Variants in PCARE observed in about 807,000 individuals in gnomAD.
The protein encoded by PCARE is uncharacterized protein C2orf71.
A neutral mutation model predicts 82.2 loss-of-function variants in PCARE; 72 were observed. That is an observed-to-expected ratio of 0.88 (90% confidence interval 0.72 to 1.07). The LOEUF is 1.07. PCARE is among the 50% of genes least tolerant of loss of function. The pLI is 0.00. For synonymous variants in PCARE, 705 were observed against 634.8 expected (o/e 1.11, Z -1.66); for missense variants, 1,768 against 1,592.4 (o/e 1.11, Z -1.88).
Position 29,070,583 on chromosome 2 carries a change from A to T in PCARE, c.3668+11T>A. 1 of 1,613,800 alleles carries T rather than the reference A, an allele frequency of 6.2e-7. No individual in the cohort carries two copies. ...GCCGCTGAAGGGCAGTGACCCCAGG[A>T]CACTCCTTACCTGTTCTGGCCGAGC... On this transcript the variant is annotated intron_variant, in intron 1 of 1. Transcript: ENST00000331664.
At chr2:29,065,100 A>ACT in intron 1 of PCARE, 33 bp from the exon 2 acceptor site, 3 of 1,543,538 alleles carry the variant, frequency 1.9e-6, no homozygotes, top group Non-Finnish European at 2.6e-6. Context: ...CAGGTCAGAC[A>ACT]CTCCTCCTCT....
rs760160585 is a variant in PCARE at position 29,071,842 on chromosome 2, G to C, written c.2420C>G (p.Pro807Arg). Reference sequence around the variant, plus strand: ...CTTGGCTGCTTCTGCTTTAGGCAGAGGGGGAAAGATAGGTGCTAAGGGCTT... The same window carrying C: ...CTTGGCTGCTTCTGCTTTAGGCAGACGGGGAAAGATAGGTGCTAAGGGCTT... ...GWKPLAPIFP[P>R]LPKAEAAKSE... Residue 807 changes from proline to arginine, a missense_variant, in exon 1 of 2, where the codon CCT becomes CGT. Pro to Arg is a moderately radical substitution (Grantham distance 103). Coordinates refer to ENST00000331664, the MANE Select transcript of PCARE (RefSeq NM_001029883.3). 1.7e-5 allele frequency: 28 copies of C among 1,614,118 alleles called. No individual in the cohort carries two copies. The Admixed American group carries it at 4.7e-4, about 27-fold the overall frequency.
At position 29,062,657 on chromosome 2, in the gene PCARE, A is replaced by T. The variant is rs1055274199; in HGVS notation, c.*2212T>A. The T allele has an allele frequency of 6.6e-6, 1 of 152,268 alleles. No homozygotes were observed. Among genetic ancestry groups the T allele is most frequent in the Non-Finnish European group, 1.5e-5 (1 of 68,116 alleles). 9.4% of individuals were successfully genotyped at this position (152,268 alleles called of 1,614,324 possible). A position where few individuals can be genotyped will look rare whatever the true frequency, so the allele number is the denominator to read the frequency against. On this transcript the variant is annotated 3_prime_UTR_variant, in exon 2 of 2. Transcript: ENST00000331664. ...AGCTTGCATGGCCACAGCAGGGGGC[A>T]CTCGGCCACCCTTTCCACTTTCTAC...
rs1667368760 is a variant in PCARE, at chr2:29,064,909, G to C, written c.3827C>G (p.Ser1276Cys). Residue 1276 changes from serine (S) to cysteine (C), a missense_variant, in exon 2 of 2, where the codon TCC (serine) becomes TGC (cysteine). By Grantham distance (112) the Ser-to-Cys change is moderately radical (BLOSUM62 -1). Transcript: ENST00000331664. ...TTGCTGGGGCTGCGCCTCTGGCTGG[G>C]ATTTGTCCTGGATGTGGCCGGTCCG... ...EPRTGHIQDKSQPEAQPQQEE... is the reference protein window; with the variant it reads ...EPRTGHIQDKCQPEAQPQQEE... 1 of 1,611,928 alleles carries C rather than the reference G, an allele frequency of 6.2e-7. No individual in the cohort carries two copies. Among genetic ancestry groups the C allele is most frequent in the Non-Finnish European group, 8.5e-7 (1 of 1,179,930 alleles).
At chr2:29,068,202 A>G (rs1435697982) in intron 1 of PCARE, among the ~76,000 whole-genome samples, 1 of 152,250 alleles carries the variant, frequency 6.6e-6, no homozygotes, top group Non-Finnish European at 1.5e-5. Context: ...TTTTAGATTT[A>G]AGAAAAGAGC....
chr2:29,063,644 T>G lies in PCARE; in HGVS notation c.*1225A>C, dbSNP rs190116812. 6.5e-6 allele frequency: 1 copy of G among 152,792 alleles called. No individual in the cohort carries two copies. The highest frequency in any genetic ancestry group is 1.9e-4 in the East Asian group (1 of 5,184). 9.5% of individuals were successfully genotyped at this position (152,792 alleles called of 1,614,324 possible). On this transcript the variant is annotated 3_prime_UTR_variant, in exon 2 of 2. Coordinates refer to ENST00000331664, the MANE Select transcript of PCARE (RefSeq NM_001029883.3). ...CTGTACCCCAGTGGGTAAGAATTCT[T>G]GTCTTTTGCCAACCCATTGAGCCGG...
At position 29,073,130 on chromosome 2, in the gene PCARE, C is replaced by T. The variant is rs201900716; in HGVS notation, c.1132G>A (p.Glu378Lys). The change falls in exon 1 of 2, where the codon GAA becomes AAA. Residue 378 changes from glutamate (E) to lysine (K), a missense_variant. Transcript: ENST00000331664. Reference protein sequence around the residue: ...QTSWDLAPEPEEWKSVTSPHT... With the variant: ...QTSWDLAPEPKEWKSVTSPHT... ...GGTGAAGTCACCGACTTCCATTCTT[C>T]GGGCTCTGGTGCAAGGTCCCAGCTG... is the stretch of plus-strand genomic sequence containing the variant. 64 of 1,614,170 alleles carry T rather than the reference C, an allele frequency of 4.0e-5. No homozygotes were observed. The highest frequency in any genetic ancestry group is 2.0e-4 in the Admixed American group (12 of 60,024).
At position 29,071,606 on chromosome 2, in the gene PCARE, C is replaced by T; in HGVS notation, c.2656G>A (p.Val886Met). 1 of 1,613,042 alleles carries T rather than the reference C, an allele frequency of 6.2e-7. No individual in the cohort carries two copies. The highest frequency in any genetic ancestry group is 8.5e-7 in the Non-Finnish European group (1 of 1,179,898). ...CTGGGCAGCAAGTCCAGGGGGCTCA[C>T]AGAGGCCCTCAGCTTTGGGGAAGCC... is the stretch of plus-strand genomic sequence containing the variant. ...TWASPKLRAS[V>M]SPLDLLPSKS... The change falls in exon 1 of 2, where the codon GTG (valine) becomes ATG (methionine). Residue 886 changes from valine to methionine, a missense_variant. Coordinates refer to ENST00000331664, the MANE Select transcript of PCARE (RefSeq NM_001029883.3).
Position 29,062,791 on chromosome 2 carries a change from C to T in PCARE, c.*2078G>A, listed in dbSNP as rs547264016. The T allele has an allele frequency of 2.0e-5, 3 of 152,322 alleles. No individual in the cohort carries two copies. The East Asian group carries it at 5.8e-4, about 29-fold the overall frequency. The allele number at this position is 152,322 out of a possible 1,614,324, so 9.4% of individuals were successfully genotyped here. On this transcript the variant is annotated 3_prime_UTR_variant, in exon 2 of 2. Transcript: ENST00000331664. ...GTGGCTCCACTTCATATCCCGGTTC[C>T]AGTAATGAAAATGTGTATAATTCCT... is the stretch of plus-strand genomic sequence containing the variant.
Position 29,071,290 on chromosome 2 carries a change from C to G in PCARE, c.2972G>C (p.Gly991Ala), listed in dbSNP as rs745906107. Residue 991 changes from glycine to alanine, a missense_variant, in exon 1 of 2, where the codon GGC (glycine) becomes GCC (alanine). Physicochemically the swap from Gly to Ala is moderately conservative, Grantham distance 60 (BLOSUM62 0). Coordinates refer to ENST00000331664, the MANE Select transcript of PCARE (RefSeq NM_001029883.3). ...RQSRERSPPV[G>A]RKASPTRTHW... ...TGTCCTCGTGGGAGAGGCCTTTCTG[C>G]CCACAGGGGGGCTTCTCTCTCGGCT... 4 of 1,613,262 alleles carry G rather than the reference C, an allele frequency of 2.5e-6. No homozygotes were observed. The East Asian group carries it at 8.9e-5, about 36-fold the overall frequency.
chr2:29,066,582 G>T (rs570364365), intron 1 of PCARE, among the ~76,000 whole-genome samples: 78 of 152,388 alleles, frequency 5.1e-4, no homozygotes, highest in African/African-American at 1.9e-3. Flanking sequence ...GTTTGCATTT[G>T]GATCTGAACA....
At position 29,073,849 on chromosome 2, in the gene PCARE, C is replaced by T; in HGVS notation, c.413G>A (p.Ser138Asn). 6.2e-7 allele frequency: 1 copy of T among 1,614,242 alleles called. No homozygotes were observed. The highest frequency in any genetic ancestry group is 8.5e-7 in the Non-Finnish European group (1 of 1,180,048). The change falls in exon 1 of 2, where the codon AGT (serine) becomes AAT (asparagine). Residue 138 changes from serine (S) to asparagine (N), a missense_variant. Transcript: ENST00000331664. ...DFSGDESEESSTQDTSKWKRT... is the reference protein window; with the variant it reads ...DFSGDESEESNTQDTSKWKRT... Reference sequence around the variant, plus strand: ...TTTCCATTTGGAAGTATCTTGGGTACTACTTTCCTCACTCTCATCTCCAGA... The same window carrying T: ...TTTCCATTTGGAAGTATCTTGGGTATTACTTTCCTCACTCTCATCTCCAGA...
rs1667322232 is a variant in PCARE at position 29,062,300 on chromosome 2, G to A, written c.*2569C>T. The A allele has an allele frequency of 6.6e-6, 1 of 152,408 alleles. No homozygotes were observed. The highest frequency in any genetic ancestry group is 6.5e-5 in the Admixed American group (1 of 15,308). The allele number at this position is 152,408 out of a possible 1,614,324, so 9.4% of individuals were successfully genotyped here. ...ATGACATCGTGTGTGGGGACCTATG[G>A]CAGGAGCCTCGCCCTGTCCTGGCAC... On this transcript the variant is annotated 3_prime_UTR_variant, in exon 2 of 2. Transcript: ENST00000331664.
chr2:29,072,228 A>G lies in PCARE; in HGVS notation c.2034T>C (p.Pro678=), dbSNP rs528939278. The G allele has an allele frequency of 2.5e-6, 4 of 1,614,188 alleles. 1 individual carries two copies. In the Admixed American group the frequency reaches 6.7e-5, roughly 27 times the overall value. ...ASLTKNFSIL[P]SQDKSILQKC... The stretch of plus-strand genomic sequence containing the variant: ...TCTGCAAGATGCTCTTGTCCTGACT[A>G]GGCAAAATACTGAAGTTCTTGGTGA... Residue 678 remains proline (P), a synonymous_variant, in exon 1 of 2, where the codon CCT becomes CCC. Transcript: ENST00000331664.
chr2:29,071,811 C>T lies in PCARE; in HGVS notation c.2451G>A (p.Glu817=), dbSNP rs1667491474. 6.2e-7 allele frequency: 1 copy of T among 1,614,148 alleles called. No individual in the cohort carries two copies. Among genetic ancestry groups the T allele is most frequent in the Non-Finnish European group, 8.5e-7 (1 of 1,179,980 alleles). The change falls in exon 1 of 2, where the codon GAG becomes GAA. Residue 817 remains glutamate (E), a synonymous_variant. Coordinates refer to ENST00000331664, the MANE Select transcript of PCARE (RefSeq NM_001029883.3). ...PLPKAEAAKS[E]ELSCEMEGNL... is the part of the protein sequence containing the mutation. ...TCCCCTCCATTTCACAGCTGAGCTC[C>T]TCACTCTTGGCTGCTTCTGCTTTAG...
At position 29,061,773 on chromosome 2, in the gene PCARE, A is replaced by G. The variant is rs1256907207; in HGVS notation, c.*3096T>C. On this transcript the variant is annotated 3_prime_UTR_variant, in exon 2 of 2. Transcript: ENST00000331664. Reference sequence around the variant, plus strand: ...AACTGTCCTCCCTTCCCCCTTGGGCAAAGGAAGTGGATTTGGCCCAGCAAG... The same window carrying G: ...AACTGTCCTCCCTTCCCCCTTGGGCGAAGGAAGTGGATTTGGCCCAGCAAG... 1 of 152,244 alleles carries G rather than the reference A, an allele frequency of 6.6e-6. No homozygotes were observed. Among genetic ancestry groups the G allele is most frequent in the African/African-American group, 2.4e-5 (1 of 41,464 alleles). 9.4% of individuals were successfully genotyped at this position (152,244 alleles called of 1,614,324 possible). A position where few individuals can be genotyped will look rare whatever the true frequency, so the allele number is the denominator to read the frequency against.
At chr2:29,067,366 A>C (rs1209948499) in intron 1 of PCARE, among the ~76,000 whole-genome samples, 1 of 152,174 alleles carries the variant, frequency 6.6e-6, no homozygotes, top group Non-Finnish European at 1.5e-5. Context: ...CCAGATGCCA[A>C]CTTTATACCT....
rs1667483336 is a variant in PCARE, at chr2:29,071,534, T to A, written c.2728A>T (p.Ser910Cys). ...LTKPHSTGPG[S>C]GRSSCQPRKP... is the part of the protein sequence containing the mutation. ...CTGGGCTGGCAGCTGCTCCTGCCAC[T>A]CCCTGGCCCTGTGCTGTGAGGCTTG... The change falls in exon 1 of 2, where the codon AGT becomes TGT. Residue 910 changes from serine to cysteine, a missense_variant. Coordinates refer to ENST00000331664, the MANE Select transcript of PCARE (RefSeq NM_001029883.3). The A allele has an allele frequency of 1.2e-6, 2 of 1,610,326 alleles. No homozygotes were observed. The highest frequency in any genetic ancestry group is 1.7e-6 in the Non-Finnish European group (2 of 1,180,000).
rs971972997 is a variant in PCARE, at chr2:29,063,876, G to T, written c.*993C>A. ...GAATAAAGTTGGCCAAGAAGCCTCCGAGGGGAGATCGGCGTGTGAGTACGT... is the reference window on the plus strand; with the variant it reads ...GAATAAAGTTGGCCAAGAAGCCTCCTAGGGGAGATCGGCGTGTGAGTACGT... On this transcript the variant is annotated 3_prime_UTR_variant, in exon 2 of 2. Coordinates refer to ENST00000331664, the MANE Select transcript of PCARE (RefSeq NM_001029883.3). 6.6e-6 allele frequency: 1 copy of T among 152,612 alleles called. No individual in the cohort carries two copies. The highest frequency in any genetic ancestry group is 1.5e-5 in the Non-Finnish European group (1 of 68,038). 9.5% of individuals were successfully genotyped at this position (152,612 alleles called of 1,614,324 possible). A position where few individuals can be genotyped will look rare whatever the true frequency, so the allele number is the denominator to read the frequency against.
Sources: gnomAD v4.1 joint callset for allele counts (sites outside exome capture counted in the v4.1 genomes callset) on GRCh38, gnomAD v4.1.1 for gene constraint, MANE v1.5 for transcripts, NCBI Gene and HGNC (gene_info 2026-07-23, HGNC 2026-07-21) for gene names.